The following IKZF2 variants were observed in gnomAD, a reference collection of about 807,000 sequenced individuals.
IKZF2 encodes the protein IKAROS family zinc finger 2, also known as zinc finger protein Helios.
In IKZF2, 15 loss-of-function variants were observed where a neutral mutation model predicts 49.2. The ratio of observed to expected loss-of-function variants is 0.30; its 90% confidence interval spans 0.20 to 0.47. The LOEUF is 0.47. Ranked by LOEUF, IKZF2 falls within the 20% of genes least tolerant of loss-of-function variation. IKZF2 has a pLI of 1.00. For synonymous variants in IKZF2, 227 were observed against 221.4 expected (o/e 1.03, Z -0.23); for missense variants, 567 against 664.6 (o/e 0.85, Z 1.61).
chr2:213,095,707 A>C (rs1193553170), intron 4 of IKZF2, among the ~76,000 whole-genome samples: 3 of 152,060 alleles, frequency 2.0e-5, no homozygotes, highest in Non-Finnish European at 4.4e-5. Context: ...TGTGTTAATG[A>C]AAAGTTGAAC....
intron 4 of IKZF2, among the ~76,000 whole-genome samples, chr2:213,138,906 T>G (rs2060772192): frequency 6.6e-6 from 1 of 152,010 alleles, no homozygotes; most frequent in Non-Finnish European, 1.5e-5. Context: ...TTAAGGATCT[T>G]TCCTAGGTGG....
At chr2:213,093,926 T>A (rs1705650590) in intron 4 of IKZF2, among the ~76,000 whole-genome samples, 1 of 152,184 alleles carries the variant, frequency 6.6e-6, no homozygotes, top group Non-Finnish European at 1.5e-5. Context: ...AGAAGGTCAT[T>A]CTTATTTGGG....
chr2:213,021,549 T>C (rs2125107634), intron 7 of IKZF2: 1 of 311,612 alleles, frequency 3.2e-6, no homozygotes, highest in South Asian at 2.7e-5. Flanking sequence ...TTGGTCTAGA[T>C]TGTTTTGCAC....
chr2:213,000,736 G>T lies in IKZF2; in HGVS notation c.*6624C>A, dbSNP rs1178220048. The T allele has an allele frequency of 6.6e-6, 1 of 151,846 alleles. No individual in the cohort carries two copies. Among genetic ancestry groups the T allele is most frequent in the East Asian group, 1.9e-4 (1 of 5,170 alleles). The allele number at this position is 151,846 out of a possible 1,614,324, so 9.4% of individuals were successfully genotyped here. ...GTAAGTGTTTAAAACTCAGCTAAGT[G>T]CTTTGCTTTTATTTAAAAGTTTATT... is the stretch of plus-strand genomic sequence containing the variant. On this transcript the variant is annotated 3_prime_UTR_variant, in exon 9 of 9. Transcript: ENST00000434687.
intron 6 of IKZF2, among the ~76,000 whole-genome samples, chr2:213,043,183 T>TACAC (rs34393449): frequency 0.07 from 10,466 of 148,760 alleles, 955 homozygotes; most frequent in African/African-American, 0.22. Flanking sequence ...GTAAATGAAA[T>TACAC]ACACACACAC....
intron 4 of IKZF2, among the ~76,000 whole-genome samples, chr2:213,120,337 G>A (rs1411052746): frequency 6.6e-6 from 1 of 152,196 alleles, no homozygotes; most frequent in African/African-American, 2.4e-5. Context: ...CAGTTACACT[G>A]GACCTTTGAA....
chr2:213,036,392 C>T (rs945032274), intron 6 of IKZF2, among the ~76,000 whole-genome samples: 1 of 152,118 alleles, frequency 6.6e-6, no homozygotes, highest in Admixed American at 6.5e-5. Context: ...AAAATAAGAA[C>T]TTATTAAATA....
intron 7 of IKZF2, among the ~76,000 whole-genome samples, chr2:213,019,854 A>G (rs1697013900): frequency 6.6e-6 from 1 of 152,212 alleles, no homozygotes; most frequent in Non-Finnish European, 1.5e-5. Flanking sequence ...TTTAGGGGAC[A>G]TATCTTTGCT....
intron 6 of IKZF2, among the ~76,000 whole-genome samples, chr2:213,027,285 G>T (rs1697913861): frequency 6.6e-6 from 1 of 152,018 alleles, no homozygotes; most frequent in South Asian, 2.1e-4. Flanking sequence ...TATAGAAATG[G>T]AAATTTCCAG....
intron 4 of IKZF2, among the ~76,000 whole-genome samples, chr2:213,135,510 G>T (rs1242048881): frequency 6.6e-6 from 1 of 151,740 alleles, no homozygotes; most frequent in Non-Finnish European, 1.5e-5. Flanking sequence ...AACACAGTAA[G>T]ATAGTGAGAC....
chr2:213,118,487 G>A (rs541474939), intron 4 of IKZF2, among the ~76,000 whole-genome samples: 1 of 152,236 alleles, frequency 6.6e-6, no homozygotes, highest in African/African-American at 2.4e-5. Flanking sequence ...ATAACTAGAA[G>A]TTCCTTATAT....
chr2:213,040,920 C>A (rs188049826), intron 6 of IKZF2, among the ~76,000 whole-genome samples: 4,083 of 152,178 alleles, frequency 0.027, 91 homozygotes, highest in African/African-American at 0.066. Context: ...GAGTTCAAGA[C>A]CAGCCTGGCC....
chr2:213,109,876 G>A (rs749816403), intron 4 of IKZF2, among the ~76,000 whole-genome samples: 2 of 151,956 alleles, frequency 1.3e-5, no homozygotes, highest in Non-Finnish European at 2.9e-5. Flanking sequence ...TACAACTGGT[G>A]TTTTAAAACT....
intron 6 of IKZF2, among the ~76,000 whole-genome samples, chr2:213,033,440 A>G (rs1317617849): frequency 1.3e-5 from 2 of 152,230 alleles, no homozygotes; most frequent in African/African-American, 4.8e-5. Context: ...ATCACTGTCT[A>G]TGGCACCTCT....
rs1216700295 is a variant in IKZF2 at position 213,038,052 on chromosome 2, GTTTTCTTTTC to G, written c.574+11651_574+11660del. 8.7e-5 allele frequency among the ~76,000 whole-genome samples: 13 copies of G among 149,022 alleles called. 1 individual carries two copies. Among genetic ancestry groups the G allele is most frequent in the Non-Finnish European group, 1.5e-4 (10 of 67,176 alleles). On this transcript the variant is annotated intron_variant, in intron 6 of 8. Coordinates refer to ENST00000434687, the MANE Select transcript of IKZF2 (RefSeq NM_001387220.1). ...AAGTCATGGTGGTCTGTTTTGTTTTGTTTTCTTTTCTTTTCTTTTCTTTTTTGAGACAGAG... is the reference window on the plus strand; with the variant it reads ...AAGTCATGGTGGTCTGTTTTGTTTTGTTTTCTTTTCTTTTTTGAGACAGAG...
At chr2:213,028,988 G>A (rs2125162721) in intron 6 of IKZF2, among the ~76,000 whole-genome samples, 1 of 152,052 alleles carries the variant, frequency 6.6e-6, no homozygotes, top group Non-Finnish European at 1.5e-5. Flanking sequence ...TTCACCCAAT[G>A]TTAAACCAAC....
chr2:213,128,620 TTTG>T lies in IKZF2; in HGVS notation c.139+19085_139+19087del, dbSNP rs10692074. Among the ~76,000 whole-genome samples, 10 of 151,094 alleles carry T rather than the reference TTTG, an allele frequency of 6.6e-5. 1 individual carries two copies. Among genetic ancestry groups the T allele is most frequent in the East Asian group, 1.9e-4 (1 of 5,154 alleles). On this transcript the variant is annotated intron_variant, in intron 4 of 8. Transcript: ENST00000434687. ...CAAGCCAAGAGTCAGAAGATAAGGTTTTGTTGTTGTTGTTGTTGTTTTTCAGAC... is the reference window on the plus strand; with the variant it reads ...CAAGCCAAGAGTCAGAAGATAAGGTTTTGTTGTTGTTGTTGTTTTTCAGAC...
chr2:213,103,697 T>C (rs964507270), intron 4 of IKZF2, among the ~76,000 whole-genome samples: 3 of 152,290 alleles, frequency 2.0e-5, no homozygotes, highest in Non-Finnish European at 2.9e-5. Context: ...AACAGGAATA[T>C]AGCAAAATAT....
At chr2:213,130,233 G>A (rs1027206595) in intron 4 of IKZF2, among the ~76,000 whole-genome samples, 13 of 152,210 alleles carry the variant, frequency 8.5e-5, no homozygotes, top group Non-Finnish European at 1.6e-4. Context: ...AAAACACTTG[G>A]TAAAAACAGA....
Sources: allele counts gnomAD v4.1 joint callset (sites outside exome capture counted in the v4.1 genomes callset), GRCh38; gene constraint gnomAD v4.1.1; transcripts MANE v1.5; gene names NCBI Gene and HGNC (gene_info 2026-07-23, HGNC 2026-07-21).